Variants in CCDC167 observed in about 807,000 individuals in gnomAD.
The protein encoded by CCDC167 is coiled-coil domain containing 167.
Under a neutral mutation model 12.7 loss-of-function variants are expected in CCDC167, and 15 were observed. The ratio of observed to expected loss-of-function variants is 1.18; its 90% confidence interval spans 0.79 to 1.81. The LOEUF (loss-of-function observed/expected upper bound fraction) is 1.81, where lower values mean the gene tolerates loss of function less well. Among genes scored for constraint, CCDC167 ranks in the 40% most tolerant of loss-of-function variants. The probability of loss-of-function intolerance (pLI) is 0.00; values close to 1 mark genes in which losing one functional copy is unlikely to be tolerated. For synonymous variants in CCDC167, 52 were observed against 49.0 expected (o/e 1.06, Z -0.26); for missense variants, 121 against 120.1 (o/e 1.01, Z -0.03).
At chr6:37,496,278 C>T (rs567572390) in intron 1 of CCDC167, among the ~76,000 whole-genome samples, 2 of 152,018 alleles carry the variant, frequency 1.3e-5, no homozygotes, top group African/African-American at 2.4e-5. Flanking sequence ...ACTAAAAATA[C>T]AAAACTTAGC....
At chr6:37,496,931 T>A (rs1191320833) in intron 1 of CCDC167, among the ~76,000 whole-genome samples, 2 of 152,202 alleles carry the variant, frequency 1.3e-5, no homozygotes, top group African/African-American at 2.4e-5. Context: ...GCTTCCTCCA[T>A]TCTCCTCTTT....
At chr6:37,499,345 C>T (rs1762136370) in intron 1 of CCDC167, among the ~76,000 whole-genome samples, 1 of 152,136 alleles carries the variant, frequency 6.6e-6, no homozygotes, top group Non-Finnish European at 1.5e-5. Flanking sequence ...TTCCATACTC[C>T]GGAGGAAAAA....
chr6:37,485,227 G>A (rs771464874), intron 1 of CCDC167, 33 bp from the exon 2 acceptor site: 18 of 1,532,502 alleles, frequency 1.2e-5, no homozygotes, highest in African/African-American at 5.4e-5. Context: ...GTGGGCTGCC[G>A]AGGCTTCTAG....
intron 1 of CCDC167, among the ~76,000 whole-genome samples, chr6:37,494,560 A>G (rs1408432866): frequency 6.6e-6 from 1 of 152,192 alleles, no homozygotes; most frequent in Non-Finnish European, 1.5e-5. Context: ...AGGCTTGCTC[A>G]TGACCCAGTT....
At chr6:37,483,731 G>A (rs561509711) in intron 3 of CCDC167, among the ~76,000 whole-genome samples, 1 of 152,332 alleles carries the variant, frequency 6.6e-6, no homozygotes, top group East Asian at 1.9e-4. Context: ...AGTGGAGGAG[G>A]TGCTAGGTGG....
At position 37,498,824 on chromosome 6, in the gene CCDC167, T is replaced by TA. The variant is rs34019934; in HGVS notation, c.42+997dup. The stretch of plus-strand genomic sequence containing the variant: ...TGGACAACAGAGCGAGACTCTGTCT[T>TA]AAAAAAAAAAAAGCAGATTCCTTGT... On this transcript the variant is annotated intron_variant, in intron 1 of 3. Transcript: ENST00000373408. Among the ~76,000 whole-genome samples, 78 of 149,260 alleles carry TA rather than the reference T, an allele frequency of 5.2e-4. No individual in the cohort carries two copies. The South Asian group carries it at 0.012, about 23-fold the overall frequency.
At chr6:37,491,395 AC>A (rs912224774) in intron 1 of CCDC167, among the ~76,000 whole-genome samples, 1 of 151,952 alleles carries the variant, frequency 6.6e-6, no homozygotes, top group African/African-American at 2.4e-5. Context: ...GGCAGAAGGC[AC>A]CCCCGGGGCC....
At chr6:37,496,437 A>G (rs1471738106) in intron 1 of CCDC167, among the ~76,000 whole-genome samples, 1 of 152,082 alleles carries the variant, frequency 6.6e-6, no homozygotes, top group African/African-American at 2.4e-5. Flanking sequence ...CTGTCTAAAA[A>G]TAAAATAAAA....
rs1761904052 is a variant in CCDC167 at position 37,483,885 on chromosome 6, T to G, written c.191-596A>C. 2.0e-5 allele frequency among the ~76,000 whole-genome samples: 3 copies of G among 152,218 alleles called. 1 individual carries two copies. In the South Asian group the frequency reaches 6.2e-4, roughly 32 times the overall value. ...TCCTGCTGCTCTATGGCCACACTTG[T>G]ATCAAAGTATCCCCTCCAGGTGACA... On this transcript the variant is annotated intron_variant, in intron 3 of 3. Coordinates refer to ENST00000373408, the MANE Select transcript of CCDC167 (RefSeq NM_138493.3).
chr6:37,497,590 A>C (rs1762114513), intron 1 of CCDC167, among the ~76,000 whole-genome samples: 1 of 152,070 alleles, frequency 6.6e-6, no homozygotes, highest in Non-Finnish European at 1.5e-5. Context: ...GCAGTGGCTC[A>C]CACCTCTAAT....
intron 1 of CCDC167, among the ~76,000 whole-genome samples, chr6:37,494,991 TGTTTCAC>T (rs1762080210): frequency 6.6e-6 from 1 of 151,616 alleles, no homozygotes; most frequent in Non-Finnish European, 1.5e-5. Context: ...GTAGAGATGG[TGTTTCAC>T]CATGTTGGTC....
At chr6:37,496,305 C>T (rs1291559991) in intron 1 of CCDC167, among the ~76,000 whole-genome samples, 3 of 151,958 alleles carry the variant, frequency 2.0e-5, no homozygotes, top group Admixed American at 6.6e-5. Flanking sequence ...TGGTGGTGCA[C>T]GCCTGTAGTC....
chr6:37,491,317 C>T (rs1305228487), intron 1 of CCDC167, among the ~76,000 whole-genome samples: 1 of 152,200 alleles, frequency 6.6e-6, no homozygotes, highest in African/African-American at 2.4e-5. Flanking sequence ...TCTAGACAGC[C>T]GGGGAGGTGG....
At chr6:37,497,347 G>T (rs1008957356) in intron 1 of CCDC167, among the ~76,000 whole-genome samples, 5 of 152,318 alleles carry the variant, frequency 3.3e-5, no homozygotes, top group African/African-American at 1.2e-4. Context: ...TCTGTTTAAA[G>T]TGACCTTATT....
At chr6:37,488,303 G>T (rs1761972743) in intron 1 of CCDC167, among the ~76,000 whole-genome samples, 1 of 152,202 alleles carries the variant, frequency 6.6e-6, no homozygotes, top group Non-Finnish European at 1.5e-5. Flanking sequence ...ACAGCAGGAT[G>T]GGCCTGAAAG....
At chr6:37,491,116 A>G (rs1762014569) in intron 1 of CCDC167, among the ~76,000 whole-genome samples, 1 of 152,180 alleles carries the variant, frequency 6.6e-6, no homozygotes, top group South Asian at 2.1e-4. Context: ...GGGGGCAGGG[A>G]ATTTCGTGCC....
intron 1 of CCDC167, among the ~76,000 whole-genome samples, chr6:37,498,135 G>T (rs143992916): frequency 6.6e-6 from 1 of 152,206 alleles, no homozygotes; most frequent in East Asian, 1.9e-4. Flanking sequence ...CGCAAATGTG[G>T]AATCTGTGAA....
intron 3 of CCDC167, among the ~76,000 whole-genome samples, chr6:37,484,549 A>C (rs972056835): frequency 6.6e-6 from 1 of 152,150 alleles, no homozygotes; most frequent in Non-Finnish European, 1.5e-5. Flanking sequence ...ATTGTCTCCT[A>C]GACCTGGCCA....
At chr6:37,488,688 T>C (rs548098913) in intron 1 of CCDC167, among the ~76,000 whole-genome samples, 3 of 152,326 alleles carry the variant, frequency 2.0e-5, no homozygotes, top group Non-Finnish European at 2.9e-5. Flanking sequence ...CACTCACTTG[T>C]GGTATGACTG....
Sources: allele counts gnomAD v4.1 joint callset (sites outside exome capture counted in the v4.1 genomes callset), GRCh38; gene constraint gnomAD v4.1.1; transcripts MANE v1.5; gene names NCBI Gene and HGNC (gene_info 2026-07-23, HGNC 2026-07-21).